ANKRD30B: variants seen among roughly 807,000 people sequenced by gnomAD.
The protein encoded by ANKRD30B is ankyrin repeat domain-containing protein 30B.
Under a neutral mutation model 202.2 loss-of-function variants are expected in ANKRD30B, and 144 were observed. The ratio of observed to expected loss-of-function variants is 0.71; its 90% CI spans 0.62 to 0.82. The LOEUF is 0.82. Among genes scored for constraint, ANKRD30B ranks in the 40% least tolerant of loss-of-function variants. The probability of loss-of-function intolerance (pLI) is 0.00; values close to 1 mark genes in which losing one functional copy is unlikely to be tolerated. For synonymous variants in ANKRD30B, 508 were observed against 561.3 expected (o/e 0.91, Z 1.34); for missense variants, 1,487 against 1,669.1 (o/e 0.89, Z 1.90).
chr18:14,874,845 G>A, the ANKRD30B span, among the ~76,000 whole-genome samples: 5 of 152,152 alleles, frequency 3.3e-5, no homozygotes, highest in Non-Finnish European at 7.3e-5. Context: ...GCAGAGTCCT[G>A]AGCCCTTTCA....
chr18:14,817,358 A>C (rs1055471292), intron 30 of ANKRD30B, among the ~76,000 whole-genome samples: 1 of 152,170 alleles, frequency 6.6e-6, no homozygotes, highest in African/African-American at 2.4e-5. Context: ...TCCAGTGTAC[A>C]CCTTTATAAA....
the ANKRD30B span, among the ~76,000 whole-genome samples, chr18:14,874,361 T>G: frequency 6.6e-6 from 1 of 152,186 alleles, no homozygotes; most frequent in South Asian, 2.1e-4. Flanking sequence ...ATTTTGCTTG[T>G]GGTTGGCTGT....
rs530965516 is a variant in ANKRD30B at position 14,768,702 on chromosome 18, GTTTC to G, written c.1226-635_1226-632del. ...AGCAGAGGGAAATCATGTTGTGTGTGTTTCTTTCTACACATAGAGCAGATAAAGA... is the reference window on the plus strand; with the variant it reads ...AGCAGAGGGAAATCATGTTGTGTGTGTTTCTACACATAGAGCAGATAAAGA... On this transcript the variant is annotated intron_variant, in intron 7 of 43. Coordinates refer to ENST00000690538, the MANE Select transcript of ANKRD30B (RefSeq NM_001367607.2). Among the ~76,000 whole-genome samples the G allele has an allele frequency of 9.2e-5, 14 of 152,272 alleles. No individual in the cohort carries two copies. In the East Asian group the frequency reaches 1.7e-3, roughly 19 times the overall value.
the ANKRD30B span, among the ~76,000 whole-genome samples, chr18:14,923,190 C>T: frequency 6.6e-6 from 1 of 152,180 alleles, no homozygotes; most frequent in African/African-American, 2.4e-5. Context: ...TGGGGTAGAC[C>T]ACCAAATGGG....
chr18:14,796,958 G>T (rs1199045820), intron 18 of ANKRD30B, among the ~76,000 whole-genome samples: 2 of 152,062 alleles, frequency 1.3e-5, no homozygotes, highest in South Asian at 4.1e-4. Context: ...TGTGTGCATC[G>T]GTAATTTCTA....
intron 16 of ANKRD30B, among the ~76,000 whole-genome samples, chr18:14,795,506 T>C (rs1968814503): frequency 6.6e-6 from 1 of 152,154 alleles, no homozygotes. Flanking sequence ...CTGTATTAGT[T>C]TGTGGATGGG....
At chr18:14,762,822 G>T (rs1915472026) in intron 6 of ANKRD30B, among the ~76,000 whole-genome samples, 1 of 152,092 alleles carries the variant, frequency 6.6e-6, no homozygotes, top group Non-Finnish European at 1.5e-5. Flanking sequence ...TTTATCAAAG[G>T]ACCTCTATAA....
rs772619018 is a variant in ANKRD30B at position 14,791,499 on chromosome 18, C to A, written c.1825+8C>A. 5 of 1,595,000 alleles carry A rather than the reference C, an allele frequency of 3.1e-6. No homozygotes were observed. Among genetic ancestry groups the A allele is most frequent in the Non-Finnish European group, 4.3e-6 (5 of 1,170,258 alleles). On this transcript the variant is annotated splice_region_variant and intron_variant, in intron 16 of 43. Coordinates refer to ENST00000690538, the MANE Select transcript of ANKRD30B (RefSeq NM_001367607.2). Reference sequence around the variant, plus strand: ...TAAGTGGAAAATTAGAAGGTAAGAACCATTTTTTAATTAAAAAGTCATTTG... The same window carrying A: ...TAAGTGGAAAATTAGAAGGTAAGAAACATTTTTTAATTAAAAAGTCATTTG...
the ANKRD30B span, among the ~76,000 whole-genome samples, chr18:14,871,063 A>T: frequency 1.4e-5 from 1 of 69,430 alleles, no homozygotes; most frequent in Non-Finnish European, 2.7e-5. Context: ...CCCCACCCAC[A>T]CACCCCCACC....
the ANKRD30B span, among the ~76,000 whole-genome samples, chr18:14,894,252 C>A: frequency 6.6e-6 from 1 of 152,084 alleles, no homozygotes; most frequent in African/African-American, 2.4e-5. Context: ...ATTGCAATTA[C>A]TTTTTTAAAA....
chr18:14,894,586 G>A, the ANKRD30B span, among the ~76,000 whole-genome samples: 2,069 of 152,154 alleles, frequency 0.014, 47 homozygotes, highest in African/African-American at 0.047. Flanking sequence ...TTGATATTTA[G>A]CCAATCAGAA....
intron 36 of ANKRD30B, among the ~76,000 whole-genome samples, chr18:14,839,757 T>G (rs1971335413): frequency 2.6e-5 from 4 of 152,216 alleles, no homozygotes; most frequent in Admixed American, 2.6e-4. Flanking sequence ...GATGTAAAAT[T>G]ATTTTCATTA....
At chr18:14,787,320 T>C (rs2143896711) in intron 15 of ANKRD30B, among the ~76,000 whole-genome samples, 1 of 152,338 alleles carries the variant, frequency 6.6e-6, no homozygotes, top group Admixed American at 6.5e-5. Context: ...GAAGCCGGTG[T>C]GGTATAGTGT....
At chr18:14,940,915 G>A in the ANKRD30B span, among the ~76,000 whole-genome samples, 1 of 152,154 alleles carries the variant, frequency 6.6e-6, no homozygotes, top group Admixed American at 6.5e-5. Context: ...CCTAGTGAGA[G>A]GCCCCTTCTG....
At chr18:14,770,252 G>A (rs796783070) in intron 8 of ANKRD30B, among the ~76,000 whole-genome samples, 10 of 152,082 alleles carry the variant, frequency 6.6e-5, no homozygotes, top group African/African-American at 1.9e-4. Context: ...TAAAAGGCAC[G>A]TGGAATTTTA....
At chr18:14,822,430 T>C (rs1433078859) in intron 30 of ANKRD30B, 53 bp from the exon 31 acceptor site, 1 of 1,013,070 alleles carries the variant, frequency 9.9e-7, no homozygotes, top group African/African-American at 1.6e-5. Context: ...GAATGTTTGG[T>C]AGACTTTGAC....
chr18:14,781,919 T>G (rs1967775441), intron 11 of ANKRD30B, among the ~76,000 whole-genome samples: 1 of 152,230 alleles, frequency 6.6e-6, no homozygotes, highest in Non-Finnish European at 1.5e-5. Flanking sequence ...GCACCTGTGG[T>G]ACATCAAAGG....
chr18:14,856,728 C>A (rs550243978), downstream of ANKRD30B, among the ~76,000 whole-genome samples: 1 of 140,466 alleles, frequency 7.1e-6, no homozygotes, highest in Non-Finnish European at 1.6e-5. Flanking sequence ...CCAGATGGGG[C>A]GACTGGGAAG....
At chr18:14,883,700 G>A in the ANKRD30B span, 1 of 151,340 alleles carries the variant, frequency 6.6e-6, no homozygotes, top group Non-Finnish European at 1.5e-5. Flanking sequence ...TCTGATGGCA[G>A]GGTAATTTGC....
Sources: allele counts gnomAD v4.1 joint callset (sites outside exome capture counted in the v4.1 genomes callset), GRCh38; gene constraint gnomAD v4.1.1; transcripts MANE v1.5; gene names NCBI Gene and HGNC (gene_info 2026-07-23, HGNC 2026-07-21).